The following IQCH variants were observed in gnomAD, a reference collection of about 807,000 sequenced individuals.
IQCH encodes the protein IQ motif containing H.
A neutral mutation model predicts 117.0 loss-of-function variants in IQCH; 98 were observed. That is an observed-to-expected ratio of 0.84 (90% CI 0.71 to 0.99). The LOEUF (loss-of-function observed/expected upper bound fraction) is 0.99. Among genes scored for constraint, IQCH ranks in the 50% least tolerant of loss-of-function variants. The pLI is 0.00. For synonymous variants in IQCH, 412 were observed against 448.2 expected (o/e 0.92, Z 1.02); for missense variants, 1,102 against 1,243.8 (o/e 0.89, Z 1.72).
intron 8 of IQCH, among the ~76,000 whole-genome samples, chr15:67,360,436 C>G (rs1389177265): frequency 6.6e-6 from 1 of 152,182 alleles, no homozygotes; most frequent in African/African-American, 2.4e-5. Flanking sequence ...AAGGAACATT[C>G]CACAAGGCCA....
chr15:67,269,206 T>C (rs1251711761), intron 3 of IQCH, among the ~76,000 whole-genome samples: 6 of 152,090 alleles, frequency 3.9e-5, no homozygotes, highest in African/African-American at 7.2e-5. Flanking sequence ...AATCAAACAA[T>C]ATATTACTAT....
intron 2 of IQCH, among the ~76,000 whole-genome samples, chr15:67,262,745 T>C (rs4776351): frequency 0.99 from 151,393 of 152,326 alleles, 75,244 homozygotes; most frequent in Middle Eastern, 1. Flanking sequence ...ATTAGCCAGG[T>C]GTGGTGGCAT....
intron 3 of IQCH, among the ~76,000 whole-genome samples, chr15:67,277,629 G>A (rs368196296): frequency 6.6e-6 from 1 of 150,890 alleles, no homozygotes; most frequent in Non-Finnish European, 1.5e-5. Flanking sequence ...CGCCTTCCGG[G>A]TTCATGCCAC....
intron 16 of IQCH, among the ~76,000 whole-genome samples, chr15:67,437,845 CAAAG>C (rs1357566928): frequency 1.3e-5 from 2 of 151,566 alleles, no homozygotes; most frequent in Admixed American, 6.6e-5. Flanking sequence ...CTGACAAAGA[CAAAG>C]AAAAAAGAAT....
chr15:67,487,605 A>T (rs1335757178), intron 18 of IQCH, among the ~76,000 whole-genome samples: 1 of 152,104 alleles, frequency 6.6e-6, no homozygotes, highest in Non-Finnish European at 1.5e-5. Context: ...CTCCAATATG[A>T]CTCAGCATGG....
chr15:67,258,132 G>A (rs1347104440), intron 1 of IQCH, among the ~76,000 whole-genome samples: 1 of 151,916 alleles, frequency 6.6e-6, no homozygotes, highest in Non-Finnish European at 1.5e-5. Flanking sequence ...TTGGGAGGCT[G>A]AGGCAAGGAG....
chr15:67,373,601 G>A lies in IQCH; in HGVS notation c.1372+168G>A, dbSNP rs552435130. On this transcript the variant is annotated intron_variant, in intron 10 of 20. Transcript: ENST00000335894. ...ACACAGGACCCTCGCTTGAAACGGCGTTTAATTTGGGGATTAAGCAAATAA... is the reference window on the plus strand; with the variant it reads ...ACACAGGACCCTCGCTTGAAACGGCATTTAATTTGGGGATTAAGCAAATAA... 451 of 677,876 alleles carry A rather than the reference G, an allele frequency of 6.7e-4. 6 individuals carry two copies. In the South Asian group the frequency reaches 6.9e-3, roughly 10 times the overall value. 42.0% of individuals were successfully genotyped at this position (677,876 alleles called of 1,614,324 possible).
chr15:67,261,127 A>G (rs999366392), intron 1 of IQCH, 145 bp from the exon 2 acceptor site: 1 of 485,298 alleles, frequency 2.1e-6, no homozygotes, highest in Non-Finnish European at 3.6e-6. Context: ...TTACAACCGT[A>G]AAAGTGGTCC....
At chr15:67,280,835 G>A (rs1218725603) in intron 4 of IQCH, among the ~76,000 whole-genome samples, 4 of 88,316 alleles carry the variant, frequency 4.5e-5, no homozygotes, top group Admixed American at 4.2e-4. Context: ...CTAGAAGGAG[G>A]TGTTATTATT....
At chr15:67,323,239 A>ATTTTTTT (rs578260011) in intron 4 of IQCH, among the ~76,000 whole-genome samples, 1 of 98,916 alleles carries the variant, frequency 1.0e-5, no homozygotes, top group Non-Finnish European at 2.0e-5. Flanking sequence ...TTAGGGTTAC[A>ATTTTTTT]TTTTTTTTTT....
chr15:67,461,788 A>G (rs2082801476), intron 16 of IQCH, among the ~76,000 whole-genome samples: 1 of 152,122 alleles, frequency 6.6e-6, no homozygotes, highest in Non-Finnish European at 1.5e-5. Flanking sequence ...AGTAATACCA[A>G]CCTTGCACAA....
At chr15:67,462,593 T>G (rs558672612) in intron 16 of IQCH, among the ~76,000 whole-genome samples, 1 of 152,234 alleles carries the variant, frequency 6.6e-6, no homozygotes, top group African/African-American at 2.4e-5. Context: ...ACCAACCCAT[T>G]GCAGTTCCCA....
chr15:67,439,888 CAAA>C (rs201813482), intron 16 of IQCH, among the ~76,000 whole-genome samples: 39 of 83,960 alleles, frequency 4.6e-4, no homozygotes, highest in Admixed American at 1.6e-3. Flanking sequence ...AACTCCGTCT[CAAA>C]AAAAAAAAAA....
chr15:67,483,739 C>A (rs2083400262), intron 18 of IQCH, among the ~76,000 whole-genome samples: 1 of 152,058 alleles, frequency 6.6e-6, no homozygotes, highest in Non-Finnish European at 1.5e-5. Context: ...CTGTTTGAGA[C>A]TTGAGATCCA....
Position 67,456,526 on chromosome 15 carries a change from T to C in IQCH, c.2506-8601T>C, listed in dbSNP as rs2082660243. The stretch of plus-strand genomic sequence containing the variant: ...TTAAGACCTCCCTAAGCCCTGAGTA[T>C]TTTTAGTTTTAGAGATTCCATCCTA... On this transcript the variant is annotated intron_variant, in intron 16 of 20. Transcript: ENST00000335894. This position sits in a 1 kb window ranked among gnomAD's most constrained non-coding sequence, Gnocchi z 5.1. 1.3e-5 allele frequency among the ~76,000 whole-genome samples: 2 copies of C among 152,160 alleles called. No individual in the cohort carries two copies. Among genetic ancestry groups the C allele is most frequent in the Admixed American group, 1.3e-4 (2 of 15,286 alleles).
rs1019704319 is a variant in IQCH at position 67,261,514 on chromosome 15, C to T, written c.174+120C>T. On this transcript the variant is annotated intron_variant, in intron 2 of 20. Transcript: ENST00000335894. ...GTAACAAAGCTGAATTTAGGGCAGTCGTCAGCATTCTTGTTTTGTTATTTG... is the reference window on the plus strand; with the variant it reads ...GTAACAAAGCTGAATTTAGGGCAGTTGTCAGCATTCTTGTTTTGTTATTTG... 17 of 725,774 alleles carry T rather than the reference C, an allele frequency of 2.3e-5. No individual in the cohort carries two copies. In the East Asian group the frequency reaches 5.1e-4, roughly 22 times the overall value. The allele number at this position is 725,774 out of a possible 1,614,324, so 45.0% of individuals were successfully genotyped here.
rs1303217264 is a variant in IQCH at position 67,365,882 on chromosome 15, A to G, written c.753+5997A>G. Among the ~76,000 whole-genome samples, 1 of 152,144 alleles carries G rather than the reference A, an allele frequency of 6.6e-6. No homozygotes were observed. The highest frequency in any genetic ancestry group is 2.4e-5 in the African/African-American group (1 of 41,428). On this transcript the variant is annotated intron_variant, in intron 8 of 20. Coordinates refer to ENST00000335894, the MANE Select transcript of IQCH (RefSeq NM_001031715.3). This position sits in a 1 kb window ranked among gnomAD's most constrained non-coding sequence, Gnocchi z 4.4. ...GAGGTGGAGGTTGCAGTGAGCTGAG[A>G]TTGCACCACTGCACACTAGCCTGGG...
rs189209195 is a variant in IQCH, at chr15:67,390,301, G to A, written c.1632+1295G>A. 2.4e-4 allele frequency among the ~76,000 whole-genome samples: 36 copies of A among 152,178 alleles called. 1 individual carries two copies. The highest frequency in any genetic ancestry group is 2.3e-3 in the Admixed American group (35 of 15,270). On this transcript the variant is annotated intron_variant, in intron 12 of 20. Coordinates refer to ENST00000335894, the MANE Select transcript of IQCH (RefSeq NM_001031715.3). The surrounding 1 kb of genome is among the most constrained non-coding windows in gnomAD (Gnocchi z 5.0). ...AGGAAGAAAAAGAACTACCATTAGT[G>A]TTTAGTTAAATTCCTGATTTTCTCC...
rs1183793685 is a variant in IQCH, at chr15:67,491,808, T to TC, written c.2861+1746dup. 2.0e-5 allele frequency among the ~76,000 whole-genome samples: 3 copies of TC among 151,966 alleles called. No individual in the cohort carries two copies. The highest frequency in any genetic ancestry group is 4.4e-5 in the Non-Finnish European group (3 of 67,992). On this transcript the variant is annotated intron_variant, in intron 19 of 20. Transcript: ENST00000335894. This position sits in a 1 kb window ranked among gnomAD's most constrained non-coding sequence, Gnocchi z 4.9. ...CTCAGCTCCCTCCCTGCCCCACCCT[T>TC]CCTTACCAGAAAATTTGAAAGCATT...
Sources: gnomAD v4.1 joint callset for allele counts (sites outside exome capture counted in the v4.1 genomes callset) on GRCh38, gnomAD v4.1.1 for gene constraint, Gnocchi (gnomAD v3.1) non-coding constraint, MANE v1.5 for transcripts, NCBI Gene and HGNC (gene_info 2026-07-23, HGNC 2026-07-21) for gene names.